DGKB: variants seen among roughly 807,000 people sequenced by gnomAD.
DGKB encodes 90 kDa diacylglycerol kinase.
Under a neutral mutation model 114.3 loss-of-function variants are expected in DGKB, and 67 were observed. The observed-to-expected ratio is 0.59, with a 90% confidence interval of 0.48 to 0.72. DGKB has a LOEUF of 0.72. Among genes scored for constraint, DGKB ranks in the 30% least tolerant of loss-of-function variants. The probability of loss-of-function intolerance (pLI) is 0.00; values close to 1 mark genes in which losing one functional copy is unlikely to be tolerated. For synonymous variants in DGKB, 398 were observed against 323.1 expected (o/e 1.23, Z -2.49); for missense variants, 907 against 975.2 (o/e 0.93, Z 0.93).
At chr7:14,773,615 T>C (rs952249611) in intron 2 of DGKB, among the ~76,000 whole-genome samples, 5 of 152,048 alleles carry the variant, frequency 3.3e-5, no homozygotes, top group Admixed American at 6.6e-5. Context: ...TGTTAGCTGC[T>C]CTAAATAAGG....
intron 21 of DGKB, among the ~76,000 whole-genome samples, chr7:14,441,252 C>T (rs1003339629): frequency 6.6e-6 from 1 of 152,074 alleles, no homozygotes; most frequent in African/African-American, 2.4e-5. Flanking sequence ...ACTGATCTGC[C>T]CATCTCAGCC....
chr7:14,186,889 G>A (rs950187545), intron 23 of DGKB, among the ~76,000 whole-genome samples: 3 of 152,078 alleles, frequency 2.0e-5, no homozygotes, highest in African/African-American at 7.2e-5. Context: ...AGAGGGGCGA[G>A]GGATAAAAGA....
intron 1 of DGKB, among the ~76,000 whole-genome samples, chr7:14,962,132 T>C (rs1037885275): frequency 2.0e-5 from 3 of 152,144 alleles, no homozygotes; most frequent in Non-Finnish European, 2.9e-5. Context: ...TAATTCTCAA[T>C]CATCAGTTTA....
intron 21 of DGKB, among the ~76,000 whole-genome samples, chr7:14,460,743 G>C (rs532869833): frequency 2.0e-5 from 3 of 152,192 alleles, no homozygotes; most frequent in East Asian, 3.9e-4. Context: ...CTCAGCTCCA[G>C]ACCAAGTGGA....
chr7:14,702,572 G>T (rs1825387752), intron 6 of DGKB, among the ~76,000 whole-genome samples: 1 of 152,146 alleles, frequency 6.6e-6, no homozygotes, highest in South Asian at 2.1e-4. Flanking sequence ...ACATCCCCAG[G>T]AGGCTGTGGA....
intron 6 of DGKB, among the ~76,000 whole-genome samples, chr7:14,708,706 A>G (rs774706288): frequency 6.6e-6 from 1 of 151,420 alleles, no homozygotes; most frequent in Non-Finnish European, 1.5e-5. Context: ...GAAAAACAAG[A>G]AATGGGGAAA....
chr7:14,644,827 T>C lies in DGKB; in HGVS notation c.1135-14559A>G, dbSNP rs73289554. On this transcript the variant is annotated intron_variant, in intron 13 of 25. Coordinates refer to ENST00000402815, the MANE Select transcript of DGKB (RefSeq NM_001350709.2). ...AATATCCTATGTCTTGGGAGATAAA[T>C]AGACATCCAGATACAGGACACTCAA... Among the ~76,000 whole-genome samples the C allele has an allele frequency of 7.3e-3, 1,113 of 152,214 alleles. 11 individuals carry two copies. The highest frequency in any genetic ancestry group is 0.025 in the African/African-American group (1,048 of 41,538).
chr7:14,202,989 A>G (rs1047759715), intron 23 of DGKB, among the ~76,000 whole-genome samples: 3 of 151,880 alleles, frequency 2.0e-5, no homozygotes, highest in Admixed American at 6.6e-5. Context: ...AGCTATTTTC[A>G]TACATTCACT....
chr7:14,854,298 T>G (rs1040018556), intron 1 of DGKB, among the ~76,000 whole-genome samples: 9 of 152,150 alleles, frequency 5.9e-5, no homozygotes, highest in African/African-American at 2.2e-4. Context: ...AGCAAAAGGA[T>G]AATATAAATG....
At chr7:14,951,419 A>G (rs942442457) in intron 1 of DGKB, among the ~76,000 whole-genome samples, 4 of 152,138 alleles carry the variant, frequency 2.6e-5, no homozygotes, top group African/African-American at 4.8e-5. Flanking sequence ...ACTACATACT[A>G]TATTATTCAA....
At chr7:14,791,021 G>C (rs1480145379) in intron 2 of DGKB, among the ~76,000 whole-genome samples, 1 of 151,698 alleles carries the variant, frequency 6.6e-6, no homozygotes, top group African/African-American at 2.4e-5. Context: ...GTAAAGAACG[G>C]GGTCTCACTA....
chr7:14,656,731 T>A (rs184520548), intron 13 of DGKB, among the ~76,000 whole-genome samples: 345 of 131,330 alleles, frequency 2.6e-3, no homozygotes, highest in African/African-American at 8.9e-3. Context: ...AGGATATATA[T>A]ACAGTATATA....
intron 2 of DGKB, among the ~76,000 whole-genome samples, chr7:14,840,363 TATTA>T (rs1200916540): frequency 6.6e-6 from 1 of 152,196 alleles, no homozygotes; most frequent in Non-Finnish European, 1.5e-5. Flanking sequence ...TGGTGCCTGC[TATTA>T]ATTAGTTGTT....
At chr7:14,469,300 T>A (rs955967398) in intron 21 of DGKB, among the ~76,000 whole-genome samples, 5 of 152,124 alleles carry the variant, frequency 3.3e-5, no homozygotes. Flanking sequence ...CCTTAGTAAA[T>A]GTTTGCAGAC....
At chr7:14,557,859 T>C (rs1483691931) in intron 20 of DGKB, among the ~76,000 whole-genome samples, 1 of 151,782 alleles carries the variant, frequency 6.6e-6, no homozygotes, top group Non-Finnish European at 1.5e-5. Flanking sequence ...ACATATTTAT[T>C]ATTTATTATG....
chr7:14,466,268 C>G (rs1265494484), intron 21 of DGKB, among the ~76,000 whole-genome samples: 1 of 152,086 alleles, frequency 6.6e-6, no homozygotes, highest in Non-Finnish European at 1.5e-5. Flanking sequence ...CTTAAAATAG[C>G]AACATTAAGG....
intron 23 of DGKB, among the ~76,000 whole-genome samples, chr7:14,252,892 G>A (rs575453464): frequency 2.0e-5 from 3 of 152,114 alleles, no homozygotes; most frequent in South Asian, 4.1e-4. Flanking sequence ...AACTAGTGTT[G>A]CGTGTAAGGG....
chr7:14,216,117 C>T (rs768155142), intron 23 of DGKB, among the ~76,000 whole-genome samples: 1 of 151,842 alleles, frequency 6.6e-6, no homozygotes, highest in Non-Finnish European at 1.5e-5. Context: ...TGAAGATATA[C>T]GATTGTAAAA....
chr7:14,640,948 A>G (rs565203108), intron 13 of DGKB, among the ~76,000 whole-genome samples: 15 of 152,304 alleles, frequency 9.8e-5, no homozygotes, highest in African/African-American at 2.4e-4. Context: ...AAAATGATAT[A>G]AAGCATTTGT....
Sources: allele counts gnomAD v4.1 joint callset (sites outside exome capture counted in the v4.1 genomes callset), GRCh38; gene constraint gnomAD v4.1.1; transcripts MANE v1.5; gene names NCBI Gene and HGNC (gene_info 2026-07-23, HGNC 2026-07-21).